CADPS2: variants seen among roughly 807,000 people sequenced by gnomAD.
The protein encoded by CADPS2 is calcium dependent secretion activator 2.
A neutral mutation model predicts 172.5 loss-of-function variants in CADPS2; 93 were observed. That is an observed-to-expected ratio of 0.54 (90% CI 0.46 to 0.64). The LOEUF is 0.64. Ranked by LOEUF, CADPS2 falls within the 30% of genes least tolerant of loss-of-function variation. The pLI is 0.00. For missense variants in CADPS2, 1,420 were observed against 1,565.9 expected (o/e 0.91, Z 1.57); for synonymous variants, 546 against 555.2 (o/e 0.98, Z 0.23).
At chr7:122,607,161 G>A (rs1047552076) in intron 6 of CADPS2, among the ~76,000 whole-genome samples, 3 of 152,050 alleles carry the variant, frequency 2.0e-5, no homozygotes, top group South Asian at 2.1e-4. Flanking sequence ...AGGGACTAAA[G>A]TCCCTTTTTC....
At chr7:122,644,263 C>G (rs556450426) in intron 3 of CADPS2, among the ~76,000 whole-genome samples, 21 of 152,330 alleles carry the variant, frequency 1.4e-4, no homozygotes, top group Admixed American at 8.5e-4. Context: ...ATTGCATTAT[C>G]TACACATACA....
intron 17 of CADPS2, among the ~76,000 whole-genome samples, chr7:122,420,301 T>TA (rs2048393247): frequency 1.3e-5 from 2 of 152,320 alleles, no homozygotes; most frequent in South Asian, 4.1e-4. Context: ...AATCAGCTAT[T>TA]ACATGTGACA....
chr7:122,830,631 G>A (rs1170333463), intron 1 of CADPS2, among the ~76,000 whole-genome samples: 1 of 152,180 alleles, frequency 6.6e-6, no homozygotes, highest in Non-Finnish European at 1.5e-5. Flanking sequence ...GGATTTCAAT[G>A]CTGAGGCGTC....
At chr7:122,613,862 A>G (rs1193680113) in intron 6 of CADPS2, among the ~76,000 whole-genome samples, 2 of 152,084 alleles carry the variant, frequency 1.3e-5, no homozygotes, top group Non-Finnish European at 2.9e-5. Context: ...TATAAGATTA[A>G]ATAGGATAAG....
At position 122,663,503 on chromosome 7, in the gene CADPS2, T is replaced by C. The variant is rs1200753337; in HGVS notation, c.520A>G (p.Arg174Gly). 2 of 1,611,736 alleles carry C rather than the reference T, an allele frequency of 1.2e-6. No homozygotes were observed. Among genetic ancestry groups the C allele is most frequent in the East Asian group, 2.2e-5 (1 of 44,838 alleles). Reference sequence around the variant, plus strand: ...TCTATGTTTTTCTTAAATACTTCTCTGAAGTCATTAGCAGAACACCCTCCA... The same window carrying C: ...TCTATGTTTTTCTTAAATACTTCTCCGAAGTCATTAGCAGAACACCCTCCA... ...QSGGCSANDFREVFKKNIEKR... is the reference protein window; with the variant it reads ...QSGGCSANDFGEVFKKNIEKR... Residue 174 changes from arginine to glycine, a missense_variant, in exon 3 of 30, where the codon AGA becomes GGA. Arg to Gly is a moderately radical substitution (Grantham distance 125, BLOSUM62 -2). Coordinates refer to ENST00000449022, the MANE Select transcript of CADPS2 (RefSeq NM_017954.11).
chr7:122,811,472 A>G (rs1256797089), intron 1 of CADPS2, among the ~76,000 whole-genome samples: 3 of 152,280 alleles, frequency 2.0e-5, no homozygotes, highest in Non-Finnish European at 1.5e-5. Context: ...ATAATTTTGG[A>G]CTTTCAAAAT....
chr7:122,377,569 T>C (rs1463662280), intron 25 of CADPS2, among the ~76,000 whole-genome samples: 1 of 152,152 alleles, frequency 6.6e-6, no homozygotes, highest in Non-Finnish European at 1.5e-5. Flanking sequence ...GGATAAAATT[T>C]CCCTGAAGGC....
chr7:122,346,603 ATTTAT>A (rs1447017113), intron 27 of CADPS2, among the ~76,000 whole-genome samples: 1 of 152,194 alleles, frequency 6.6e-6, no homozygotes, highest in Non-Finnish European at 1.5e-5. Context: ...TATCTGAATA[ATTTAT>A]TTTCTTTTAG....
At chr7:122,689,745 C>T (rs2084087830) in intron 2 of CADPS2, among the ~76,000 whole-genome samples, 1 of 152,184 alleles carries the variant, frequency 6.6e-6, no homozygotes, top group South Asian at 2.1e-4. Context: ...TTCCACAACA[C>T]CCTTGGTGTA....
chr7:122,717,239 T>C lies in CADPS2; in HGVS notation c.453+19716A>G, dbSNP rs533744848. Among the ~76,000 whole-genome samples, 3 of 152,264 alleles carry C rather than the reference T, an allele frequency of 2.0e-5. No homozygotes were observed. In the East Asian group the frequency reaches 5.8e-4, roughly 29 times the overall value. ...TTGTCAAAACCCAATTAAGAAGTTA[T>C]CTCATCTTCTCAATTTGGTCCCACA... On this transcript the variant is annotated intron_variant, in intron 2 of 29. Coordinates refer to ENST00000449022, the MANE Select transcript of CADPS2 (RefSeq NM_017954.11).
chr7:122,769,470 T>A (rs1298092156), intron 1 of CADPS2, among the ~76,000 whole-genome samples: 3 of 151,864 alleles, frequency 2.0e-5, no homozygotes, highest in Non-Finnish European at 2.9e-5. Flanking sequence ...GTCACCTACA[T>A]CCCCAACTCT....
chr7:122,465,920 G>A (rs1433883790), intron 14 of CADPS2, among the ~76,000 whole-genome samples: 1 of 152,130 alleles, frequency 6.6e-6, no homozygotes, highest in Non-Finnish European at 1.5e-5. Context: ...AACTGGGACG[G>A]CAATGGTAGT....
chr7:122,519,863 ATT>A (rs112530002), intron 8 of CADPS2, among the ~76,000 whole-genome samples: 1 of 151,240 alleles, frequency 6.6e-6, no homozygotes, highest in African/African-American at 2.4e-5. Context: ...TGCCTAATTG[ATT>A]TTTTTTTAAA....
chr7:122,796,284 C>T (rs1046334558), intron 1 of CADPS2, among the ~76,000 whole-genome samples: 1 of 152,106 alleles, frequency 6.6e-6, no homozygotes, highest in Admixed American at 6.6e-5. Flanking sequence ...GCCATACTGC[C>T]CAAAGCAATT....
chr7:122,348,090 T>C (rs1310527437), intron 27 of CADPS2, among the ~76,000 whole-genome samples: 1 of 152,178 alleles, frequency 6.6e-6, no homozygotes, highest in African/African-American at 2.4e-5. Context: ...GGGACGCTTG[T>C]CTTTACTACT....
At chr7:122,824,710 T>C (rs972074519) in intron 1 of CADPS2, among the ~76,000 whole-genome samples, 3 of 152,224 alleles carry the variant, frequency 2.0e-5, no homozygotes, top group East Asian at 3.8e-4. Flanking sequence ...TTTTCTGCCA[T>C]GTCAGTGTAT....
At chr7:122,393,364 A>G in intron 21 of CADPS2, 49 bp from the exon 22 acceptor site, 1 of 1,613,532 alleles carries the variant, frequency 6.2e-7, no homozygotes, top group Non-Finnish European at 8.5e-7. Context: ...AGCGATAACT[A>G]CAGATGGCCA....
intron 9 of CADPS2, among the ~76,000 whole-genome samples, chr7:122,510,140 A>T (rs2059910642): frequency 6.6e-6 from 1 of 152,144 alleles, no homozygotes; most frequent in African/African-American, 2.4e-5. Context: ...ATCTAATAAT[A>T]AAACACTGAG....
chr7:122,531,634 T>C (rs1233759018), intron 8 of CADPS2, among the ~76,000 whole-genome samples: 4 of 152,152 alleles, frequency 2.6e-5, no homozygotes, highest in East Asian at 3.9e-4. Context: ...GAGATAACGA[T>C]TGGTTTCCTA....
Sources: allele counts gnomAD v4.1 joint callset (sites outside exome capture counted in the v4.1 genomes callset), GRCh38; gene constraint gnomAD v4.1.1; transcripts MANE v1.5; gene names NCBI Gene and HGNC (gene_info 2026-07-23, HGNC 2026-07-21).